Variants in RAB40B observed in about 807,000 individuals in gnomAD.
RAB40B encodes the protein RAB40B, member RAS oncogene family, also known as ras-related protein Rab-40B.
RAB40B carries 21 observed loss-of-function variants against 24.0 expected under a neutral mutation model. The observed-to-expected ratio is 0.88, with a 90% CI of 0.62 to 1.26. The LOEUF is 1.26. Among genes scored for constraint, RAB40B ranks in the 50% most tolerant of loss-of-function variants. The pLI is 0.00. For synonymous variants in RAB40B, 167 were observed against 169.8 expected (o/e 0.98, Z 0.13); for missense variants, 348 against 390.5 (o/e 0.89, Z 0.92).
At chr17:82,676,563 G>C (rs1346890518) in intron 1 of RAB40B, among the ~76,000 whole-genome samples, 11 of 151,854 alleles carry the variant, frequency 7.2e-5, no homozygotes, top group Admixed American at 7.2e-4. Context: ...CATTCGGATG[G>C]GTCCTGTTTT....
At position 82,691,109 on chromosome 17, in the gene RAB40B, T is replaced by C. The variant is rs114820721; in HGVS notation, c.142+7346A>G. On this transcript the variant is annotated intron_variant, in intron 1 of 5. Transcript: ENST00000571995. ...TGCACCCCGGTGTGTCCACGCACCGTGTAGTCTTGAGGGAGTGGCTCAGCC... is the reference window on the plus strand; with the variant it reads ...TGCACCCCGGTGTGTCCACGCACCGCGTAGTCTTGAGGGAGTGGCTCAGCC... 7.8e-3 allele frequency among the ~76,000 whole-genome samples: 1,184 copies of C among 152,156 alleles called. 14 individuals are homozygous for C. The highest frequency in any genetic ancestry group is 0.028 in the African/African-American group (1,142 of 41,504).
At chr17:82,689,528 C>G (rs1459237599) in intron 1 of RAB40B, among the ~76,000 whole-genome samples, 2 of 152,190 alleles carry the variant, frequency 1.3e-5, no homozygotes, top group East Asian at 3.9e-4. Flanking sequence ...GGAGAGGACC[C>G]TGCAGGACAC....
rs755179029 is a variant in RAB40B at position 82,657,737 on chromosome 17, C to T, written c.*126G>A. On this transcript the variant is annotated 3_prime_UTR_variant, in exon 6 of 6. Transcript: ENST00000571995. ...TAGTGTGTTTCCATCACACGGAAGG[C>T]GTCGCACACATTCGCAAGCAGCATT... 15 of 1,126,732 alleles carry T rather than the reference C, an allele frequency of 1.3e-5. No individual in the cohort carries two copies. The highest frequency in any genetic ancestry group is 1.9e-4 in the Middle Eastern group (1 of 5,150). The allele number at this position is 1,126,732 out of a possible 1,614,324, so 69.8% of individuals were successfully genotyped here.
intron 4 of RAB40B, chr17:82,659,261 G>C: frequency 2.8e-6 from 1 of 362,692 alleles, no homozygotes; most frequent in East Asian, 5.6e-5. Flanking sequence ...CACAAGCGCC[G>C]GTCACTGCTG....
chr17:82,680,919 A>G (rs960258942), intron 1 of RAB40B, among the ~76,000 whole-genome samples: 8 of 149,092 alleles, frequency 5.4e-5, no homozygotes, highest in African/African-American at 2.0e-4. Flanking sequence ...AGTCCCAGCT[A>G]CTCAGGAGGC....
chr17:82,659,894 C>A, intron 3 of RAB40B: 1 of 513,964 alleles, frequency 1.9e-6, no homozygotes, highest in Non-Finnish European at 3.5e-6. Flanking sequence ...CACCCACGAG[C>A]CACTCCAGGA....
chr17:82,659,485 G>A (rs982411895), intron 4 of RAB40B, 95 bp downstream of exon 4: 8 of 1,255,396 alleles, frequency 6.4e-6, no homozygotes, highest in Non-Finnish European at 9.2e-6. Flanking sequence ...TGATCCATGG[G>A]TACCCATGAG....
intron 2 of RAB40B, chr17:82,662,259 A>G (rs1568030793): frequency 1.0e-6 from 1 of 985,380 alleles, no homozygotes; most frequent in Non-Finnish European, 1.2e-6. Context: ...AAATTGATCT[A>G]GAATTCAAGC....
In RAB40B at chr17:82,667,711, C is replaced by A. The variant is rs547062232; in HGVS notation, c.143-3155G>T. Among the ~76,000 whole-genome samples the A allele has an allele frequency of 6.6e-6, 1 of 152,186 alleles. No individual in the cohort carries two copies. The highest frequency in any genetic ancestry group is 1.5e-5 in the Non-Finnish European group (1 of 68,036). ...AAGCAACACCAGAGCAAACTCCCCC[C>A]GTCAGAGGAGAGTGATTCAGAGGAC... On this transcript the variant is annotated intron_variant, in intron 1 of 5. Coordinates refer to ENST00000571995, the MANE Select transcript of RAB40B (RefSeq NM_006822.3). The surrounding 1 kb of genome is among the most constrained non-coding windows in gnomAD (Gnocchi z 4.3).
chr17:82,672,171 AAC>A (rs796925148), intron 1 of RAB40B, among the ~76,000 whole-genome samples: 1 of 34,490 alleles, frequency 2.9e-5, no homozygotes, highest in Non-Finnish European at 5.4e-5. Flanking sequence ...CTGTAACTCT[AAC>A]ACACACTCAC....
chr17:82,664,554 T>C lies in RAB40B; in HGVS notation c.145A>G (p.Ile49Val). 1 of 1,613,584 alleles carries C rather than the reference T, an allele frequency of 6.2e-7. No individual in the cohort carries two copies. Among genetic ancestry groups the C allele is most frequent in the Non-Finnish European group, 8.5e-7 (1 of 1,179,588 alleles). The change falls in exon 2 of 6, where the codon ATC becomes GTC. Residue 49 changes from isoleucine to valine, a missense_variant and splice_region_variant. Transcript: ENST00000571995. ...AESPYGHPAGIDYKTTTILLD... is the reference protein window; with the variant it reads ...AESPYGHPAGVDYKTTTILLD... Reference sequence around the variant, plus strand: ...AGGATGGTGGTCGTCTTGTAGTCGATGCCTGCGGAAGGGTTAGAGACGGCT... The same window carrying C: ...AGGATGGTGGTCGTCTTGTAGTCGACGCCTGCGGAAGGGTTAGAGACGGCT...
intron 1 of RAB40B, among the ~76,000 whole-genome samples, chr17:82,665,073 G>A (rs1057127175): frequency 2.0e-5 from 3 of 152,224 alleles, no homozygotes; most frequent in Non-Finnish European, 4.4e-5. Flanking sequence ...TGCGTGGGAT[G>A]CCCGCTCTCA....
intron 1 of RAB40B, among the ~76,000 whole-genome samples, chr17:82,672,378 A>G (rs1377866340): frequency 4.0e-5 from 6 of 150,602 alleles, no homozygotes; most frequent in African/African-American, 1.5e-4. Context: ...GACACACCTC[A>G]CCCCTGTAAC....
At chr17:82,689,966 C>CA (rs34923378) in intron 1 of RAB40B, among the ~76,000 whole-genome samples, 119,264 of 139,876 alleles carry the variant, frequency 0.85, 50,882 homozygotes, top group East Asian at 0.99. Context: ...AACTTCATCT[C>CA]AAAAAAAAAA....
chr17:82,664,275 G>A (rs1240070053), intron 2 of RAB40B, among the ~76,000 whole-genome samples: 4 of 137,032 alleles, frequency 2.9e-5, no homozygotes, highest in Middle Eastern at 4.2e-3. Flanking sequence ...GTGGTGGGGG[G>A]AGGGTGCTCC....
intron 1 of RAB40B, among the ~76,000 whole-genome samples, chr17:82,682,770 C>G (rs2046459024): frequency 6.6e-6 from 1 of 152,198 alleles, no homozygotes; most frequent in African/African-American, 2.4e-5. Flanking sequence ...AAAGAATAGT[C>G]TTTTCAACAA....
At position 82,676,017 on chromosome 17, in the gene RAB40B, C is replaced by T. The variant is rs112153836; in HGVS notation, c.143-11461G>A. Among the ~76,000 whole-genome samples, 229 of 152,222 alleles carry T rather than the reference C, an allele frequency of 1.5e-3. 3 individuals are homozygous for T. The Middle Eastern group carries it at 0.017, about 11-fold the overall frequency. The stretch of plus-strand genomic sequence containing the variant: ...CCCCACAGGGCTGGTAAAGCACAGA[C>T]GCTGCAGCCTGGGGCCTGGGATCAA... On this transcript the variant is annotated intron_variant, in intron 1 of 5. Transcript: ENST00000571995.
intron 4 of RAB40B, chr17:82,659,037 G>A (rs186666565): frequency 1.1e-4 from 35 of 314,776 alleles, no homozygotes; most frequent in Non-Finnish European, 1.6e-4. Flanking sequence ...TGGCACCGCC[G>A]AGAGCTGGGA....
In RAB40B at chr17:82,657,819, G is replaced by T. The variant is rs1485585491; in HGVS notation, c.*44C>A. 5.0e-6 allele frequency: 8 copies of T among 1,607,886 alleles called. No individual in the cohort carries two copies. Among genetic ancestry groups the T allele is most frequent in the Non-Finnish European group, 6.8e-6 (8 of 1,176,516 alleles). On this transcript the variant is annotated 3_prime_UTR_variant, in exon 6 of 6. Coordinates refer to ENST00000571995, the MANE Select transcript of RAB40B (RefSeq NM_006822.3). ...CACCAGCTGCCGGGGGTAACGCCGAGCTTCTCCTGGAGAGATTCCGCCGTG... is the reference window on the plus strand; with the variant it reads ...CACCAGCTGCCGGGGGTAACGCCGATCTTCTCCTGGAGAGATTCCGCCGTG...
Sources: allele counts gnomAD v4.1 joint callset (sites outside exome capture counted in the v4.1 genomes callset), GRCh38; gene constraint gnomAD v4.1.1; non-coding constraint Gnocchi (gnomAD v3.1); transcripts MANE v1.5; gene names NCBI Gene and HGNC (gene_info 2026-07-23, HGNC 2026-07-21).